Variants in NELL2 observed in about 807,000 individuals in gnomAD.
The protein encoded by NELL2 is protein kinase C-binding protein NELL2.
Under a neutral mutation model 109.6 loss-of-function variants are expected in NELL2, and 41 were observed. The observed-to-expected ratio is 0.37, with a 90% CI of 0.29 to 0.49. The LOEUF (loss-of-function observed/expected upper bound fraction) is 0.49. NELL2 is among the 20% of genes least tolerant of loss of function. NELL2 has a pLI of 0.98. For synonymous variants in NELL2, 355 were observed against 344.7 expected (o/e 1.03, Z -0.33); for missense variants, 900 against 1,008.3 (o/e 0.89, Z 1.45).
At chr12:44,644,716 C>A (rs1361784747) in intron 13 of NELL2, among the ~76,000 whole-genome samples, 2 of 147,378 alleles carry the variant, frequency 1.4e-5, no homozygotes, top group Non-Finnish European at 3.0e-5. Context: ...ACATAATGTG[C>A]TTTGATGCTC....
chr12:44,712,729 T>C (rs776538630), intron 10 of NELL2, among the ~76,000 whole-genome samples: 6 of 151,988 alleles, frequency 3.9e-5, no homozygotes, highest in Non-Finnish European at 7.4e-5. Context: ...ACTAGGTACA[T>C]GTGGCTCTTT....
At chr12:44,882,714 G>C (rs1945428535) in intron 1 of NELL2, among the ~76,000 whole-genome samples, 1 of 151,166 alleles carries the variant, frequency 6.6e-6, no homozygotes, top group Non-Finnish European at 1.5e-5. Context: ...TTTTAGTAGA[G>C]ACAGGGTTTC....
chr12:44,728,791 A>G (rs1939211764), intron 9 of NELL2, among the ~76,000 whole-genome samples: 1 of 152,212 alleles, frequency 6.6e-6, no homozygotes, highest in Non-Finnish European at 1.5e-5. Context: ...AGAATTATCA[A>G]TGGAACCATT....
chr12:44,583,677 C>T (rs1013133975), intron 15 of NELL2, among the ~76,000 whole-genome samples: 1 of 152,104 alleles, frequency 6.6e-6, no homozygotes. Context: ...AGGAAACATA[C>T]GAAATGAACA....
At chr12:44,755,440 G>GTC (rs968613310) in intron 9 of NELL2, among the ~76,000 whole-genome samples, 4 of 151,752 alleles carry the variant, frequency 2.6e-5, no homozygotes, top group Admixed American at 6.6e-5. Context: ...TCTGGTCACA[G>GTC]TCTCTCTCTC....
At chr12:44,644,621 TATATACATAC>T (rs1160104858) in intron 13 of NELL2, among the ~76,000 whole-genome samples, 13 of 95,394 alleles carry the variant, frequency 1.4e-4, no homozygotes, top group East Asian at 3.7e-4. Flanking sequence ...TATATATATA[TATATACATAC>T]ATATATATAT....
chr12:44,510,165 T>C (rs576707066), intron 19 of NELL2, among the ~76,000 whole-genome samples: 1 of 152,326 alleles, frequency 6.6e-6, no homozygotes, highest in African/African-American at 2.4e-5. Flanking sequence ...GTTAATATCG[T>C]TTTTAAAACC....
chr12:44,860,900 C>T (rs1418767361), intron 2 of NELL2, among the ~76,000 whole-genome samples: 1 of 152,178 alleles, frequency 6.6e-6, no homozygotes. Context: ...CCCAAATTTC[C>T]AGCCCACTGA....
chr12:44,613,765 C>A (rs1243868320), intron 13 of NELL2, among the ~76,000 whole-genome samples: 1 of 151,930 alleles, frequency 6.6e-6, no homozygotes, highest in Non-Finnish European at 1.5e-5. Flanking sequence ...ATAAATGAAG[C>A]AACAAGCAAA....
intron 15 of NELL2, among the ~76,000 whole-genome samples, chr12:44,553,674 T>C (rs543253696): frequency 1.4e-4 from 22 of 152,264 alleles, no homozygotes; most frequent in African/African-American, 5.3e-4. Flanking sequence ...TGTATATGGG[T>C]ATCGAAAATC....
At chr12:44,668,420 C>T (rs1311350080) in intron 12 of NELL2, among the ~76,000 whole-genome samples, 2 of 152,088 alleles carry the variant, frequency 1.3e-5, no homozygotes, top group African/African-American at 4.8e-5. Context: ...ATAGGCTTGT[C>T]CCACCCAATG....
chr12:44,539,994 C>T (rs76527798), intron 15 of NELL2, among the ~76,000 whole-genome samples: 2,254 of 152,226 alleles, frequency 0.015, 61 homozygotes, highest in African/African-American at 0.052. Flanking sequence ...ACAAAAATAA[C>T]ATGATAGTAA....
intron 2 of NELL2, among the ~76,000 whole-genome samples, chr12:44,834,784 C>A (rs1393475086): frequency 1.3e-5 from 2 of 152,194 alleles, no homozygotes; most frequent in Non-Finnish European, 2.9e-5. Flanking sequence ...CACAACCTCC[C>A]CTGGCTAGAC....
upstream of NELL2, among the ~76,000 whole-genome samples, chr12:44,879,370 T>A (rs1337553850): frequency 1.3e-5 from 2 of 152,148 alleles, no homozygotes; most frequent in Non-Finnish European, 2.9e-5. Context: ...GGAAAACTAA[T>A]ATAAGTACTG....
At chr12:44,781,875 A>C (rs1941974610) in intron 3 of NELL2, among the ~76,000 whole-genome samples, 1 of 152,088 alleles carries the variant, frequency 6.6e-6, no homozygotes, top group African/African-American at 2.4e-5. Context: ...TATCATGAGA[A>C]GACCTATTTT....
intron 19 of NELL2, among the ~76,000 whole-genome samples, chr12:44,511,147 G>A (rs1940985611): frequency 6.6e-6 from 1 of 152,114 alleles, no homozygotes; most frequent in Non-Finnish European, 1.5e-5. Context: ...GGAGTGTGTT[G>A]CTTATTCCAT....
At chr12:44,529,308 G>A (rs530329225) in intron 16 of NELL2, among the ~76,000 whole-genome samples, 4 of 152,262 alleles carry the variant, frequency 2.6e-5, no homozygotes, top group Admixed American at 2.0e-4. Flanking sequence ...AGGAAACAAT[G>A]ACTCTAAGAT....
chr12:44,574,723 G>A (rs1404194778), intron 15 of NELL2, among the ~76,000 whole-genome samples: 1 of 152,150 alleles, frequency 6.6e-6, no homozygotes, highest in African/African-American at 2.4e-5. Flanking sequence ...AGAGTTGCTA[G>A]TGCTTCAGAG....
intron 9 of NELL2, among the ~76,000 whole-genome samples, chr12:44,746,459 C>A (rs527413508): frequency 0.013 from 1,918 of 152,126 alleles, 136 homozygotes; most frequent in Admixed American, 0.099. Flanking sequence ...GGATCTAATT[C>A]AACTCAAGAG....
Sources: allele counts gnomAD v4.1 joint callset (sites outside exome capture counted in the v4.1 genomes callset), GRCh38; gene constraint gnomAD v4.1.1; transcripts MANE v1.5; gene names NCBI Gene and HGNC (gene_info 2026-07-23, HGNC 2026-07-21).